The following GINS1 variants were observed in gnomAD, a reference collection of about 807,000 sequenced individuals.
GINS1 encodes the protein DNA replication complex GINS protein PSF1.
GINS1 carries 26 observed loss-of-function variants against 34.9 expected under a neutral mutation model. The ratio of observed to expected loss-of-function variants is 0.74; its 90% CI spans 0.55 to 1.03. The LOEUF (loss-of-function observed/expected upper bound fraction) is 1.03. Ranked by LOEUF, GINS1 falls within the 50% of genes least tolerant of loss-of-function variation. The pLI, the probability that GINS1 is intolerant of heterozygous loss-of-function variation, is 0.00. For missense variants in GINS1, 235 were observed against 237.9 expected, an observed-to-expected ratio of 0.99 and a Z score of 0.08; for synonymous variants, 97 against 84.4, an observed-to-expected ratio of 1.15 and a Z score of -0.82.
intron 2 of GINS1, among the ~76,000 whole-genome samples, chr20:25,414,392 A>G (rs1199483469): frequency 2.0e-5 from 3 of 152,118 alleles, no homozygotes; most frequent in Non-Finnish European, 4.4e-5. Context: ...AGTGGACCTA[A>G]AATAAATGAC....
intron 2 of GINS1, among the ~76,000 whole-genome samples, chr20:25,414,112 C>T (rs1251862131): frequency 6.7e-6 from 1 of 148,188 alleles, no homozygotes; most frequent in East Asian, 2.0e-4. Context: ...ACTGTTTGTA[C>T]CCGGGAGGTG....
At chr20:25,442,637 T>C (rs1293485658) in intron 6 of GINS1, among the ~76,000 whole-genome samples, 3 of 150,402 alleles carry the variant, frequency 2.0e-5, no homozygotes, top group Non-Finnish European at 4.4e-5. Flanking sequence ...AGACGGAGTC[T>C]TGCTCTGTTC....
At position 25,413,514 on chromosome 20, in the gene GINS1, A is replaced by G. The variant is rs191894328; in HGVS notation, c.76-276A>G. The G allele has an allele frequency of 2.3e-3, 879 of 377,812 alleles. 2 individuals carry two copies. Among genetic ancestry groups the G allele is most frequent in the Non-Finnish European group, 3.7e-3 (779 of 210,146 alleles). The allele number at this position is 377,812 out of a possible 1,614,324, so 23.4% of individuals were successfully genotyped here. A position where few individuals can be genotyped will look rare whatever the true frequency, so the allele number is the denominator to read the frequency against. Reference sequence around the variant, plus strand: ...TATATATACACCTAGGAGTAAAATTACTGAGTCATATGGTAATTCTGTGTG... The same window carrying G: ...TATATATACACCTAGGAGTAAAATTGCTGAGTCATATGGTAATTCTGTGTG... On this transcript the variant is annotated intron_variant, in intron 1 of 6. Transcript: ENST00000262460.
At chr20:25,436,115 G>A (rs1268615277) in intron 5 of GINS1, among the ~76,000 whole-genome samples, 4 of 151,666 alleles carry the variant, frequency 2.6e-5, no homozygotes, top group African/African-American at 7.3e-5. Context: ...CACTGTGCCC[G>A]GCCGAATTAA....
intron 5 of GINS1, among the ~76,000 whole-genome samples, chr20:25,427,826 T>C (rs2090400448): frequency 6.6e-6 from 1 of 151,680 alleles, no homozygotes; most frequent in Non-Finnish European, 1.5e-5. Context: ...CTTCCTTCAG[T>C]ATCATGTTGA....
At chr20:25,408,611 A>AC (rs2090262979) in intron 1 of GINS1, among the ~76,000 whole-genome samples, 2 of 152,104 alleles carry the variant, frequency 1.3e-5, no homozygotes, top group Admixed American at 6.5e-5. Flanking sequence ...TAATCCCAGC[A>AC]CTTTGGGAGG....
At chr20:25,422,669 G>A (rs1045883772) in intron 4 of GINS1, among the ~76,000 whole-genome samples, 29 of 152,192 alleles carry the variant, frequency 1.9e-4, no homozygotes, top group African/African-American at 5.8e-4. Flanking sequence ...CCCATTTTTT[G>A]AACTTTATAT....
intron 6 of GINS1, among the ~76,000 whole-genome samples, chr20:25,442,370 G>GTCTGTCTA (rs1555834220): frequency 5.5e-4 from 72 of 131,310 alleles, no homozygotes; most frequent in African/African-American, 1.8e-3. Context: ...CTGTCTGTCT[G>GTCTGTCTA]TCTATCTATC....
Position 25,446,403 on chromosome 20 carries a change from T to TTTTTTTTTTTTTGAGACGG in GINS1, c.*412_*413insTTTTTTTTTTTTGAGACGG, listed in dbSNP as rs2090512850. 1.3e-5 allele frequency: 2 copies of TTTTTTTTTTTTTGAGACGG among 157,240 alleles called. No individual in the cohort carries two copies. Among genetic ancestry groups the TTTTTTTTTTTTTGAGACGG allele is most frequent in the African/African-American group, 4.8e-5 (2 of 41,610 alleles). 9.7% of individuals were successfully genotyped at this position (157,240 alleles called of 1,614,324 possible). On this transcript the variant is annotated 3_prime_UTR_variant, in exon 7 of 7. Coordinates refer to ENST00000262460, the MANE Select transcript of GINS1 (RefSeq NM_021067.5). ...CCTACAGTTGTTACAGTGTGTTTTT[T>TTTTTTTTTTTTTGAGACGG]AAATGAAAGTAAACATGGTTACATT...
In GINS1 at chr20:25,407,690, G is replaced by A; in HGVS notation, c.-131G>A. 1.4e-6 allele frequency: 1 copy of A among 734,448 alleles called. No homozygotes were observed. The highest frequency in any genetic ancestry group is 1.7e-5 in the South Asian group (1 of 58,522). The allele number at this position is 734,448 out of a possible 1,614,324, so 45.5% of individuals were successfully genotyped here. ...CTAGCTTTGTTCGGCGCCAAAGCGC[G>A]GAGCGGAGGCCGAGGCGAGAGCCTG... On this transcript the variant is annotated 5_prime_UTR_variant, in exon 1 of 7. Transcript: ENST00000262460.
At chr20:25,442,303 G>T (rs1393846929) in intron 6 of GINS1, among the ~76,000 whole-genome samples, 1 of 151,990 alleles carries the variant, frequency 6.6e-6, no homozygotes, top group Non-Finnish European at 1.5e-5. Flanking sequence ...AGCTAAATTT[G>T]TCCTTATAAG....
chr20:25,434,653 C>G (rs2090444648), intron 5 of GINS1, among the ~76,000 whole-genome samples: 1 of 152,102 alleles, frequency 6.6e-6, no homozygotes, highest in Non-Finnish European at 1.5e-5. Flanking sequence ...TGCTATGTTG[C>G]CAAGGGTAGT....
chr20:25,425,231 TA>T lies in GINS1; in HGVS notation c.355del (p.Arg119AspfsTer7). 1 of 1,504,606 alleles carries T rather than the reference TA, an allele frequency of 6.6e-7. No homozygotes were observed. Among genetic ancestry groups the T allele is most frequent in the Non-Finnish European group, 9.3e-7 (1 of 1,080,918 alleles). The allele number at this position is 1,504,606 out of a possible 1,614,324, so 93.2% of individuals were successfully genotyped here. A position where few individuals can be genotyped will look rare whatever the true frequency, so the allele number is the denominator to read the frequency against. On this transcript the variant is annotated frameshift_variant, in exon 5 of 7. Coordinates refer to ENST00000262460, the MANE Select transcript of GINS1 (RefSeq NM_021067.5). LOFTEE classifies it high-confidence loss of function. Reference sequence around the variant, plus strand: ...TGCAGATGGAGTGGTTTAATAATTATAAAAGATCTCTTGCTACTTATATGAG... The same window carrying T: ...TGCAGATGGAGTGGTTTAATAATTATAAAGATCTCTTGCTACTTATATGAG... The part of the protein sequence containing the change: ...AEEMEWFNNY[K>X]RSLATYMRSL...
In GINS1 at chr20:25,407,857, C is replaced by G; in HGVS notation, c.37C>G (p.Leu13Val). ...CEKAMELIRE[L>V]HRAPEGQLPA... ...AAAAGCCATGGAACTGATCCGCGAGCTGCATCGCGCGCCCGAAGGGCAACT... is the reference window on the plus strand; with the variant it reads ...AAAAGCCATGGAACTGATCCGCGAGGTGCATCGCGCGCCCGAAGGGCAACT... Residue 13 changes from leucine (L) to valine (V), a missense_variant, in exon 1 of 7, where the codon CTG (leucine) becomes GTG (valine). Coordinates refer to ENST00000262460, the MANE Select transcript of GINS1 (RefSeq NM_021067.5). 1 of 1,613,932 alleles carries G rather than the reference C, an allele frequency of 6.2e-7. No individual in the cohort carries two copies. Among genetic ancestry groups the G allele is most frequent in the South Asian group, 1.1e-5 (1 of 91,082 alleles).
intron 6 of GINS1, among the ~76,000 whole-genome samples, 171 bp from the exon 7 acceptor site, chr20:25,445,752 G>A (rs1206671377): frequency 6.6e-6 from 1 of 152,078 alleles, no homozygotes; most frequent in African/African-American, 2.4e-5. Flanking sequence ...TAAAGTGCTG[G>A]GATTTCAGGC....
At chr20:25,410,295 C>G (rs944500161) in intron 1 of GINS1, among the ~76,000 whole-genome samples, 2 of 151,144 alleles carry the variant, frequency 1.3e-5, no homozygotes, top group Non-Finnish European at 2.9e-5. Context: ...GAGCCAAGAT[C>G]GGGTCACTGC....
intron 5 of GINS1, among the ~76,000 whole-genome samples, chr20:25,441,257 T>C (rs1018849299): frequency 2.6e-5 from 4 of 152,184 alleles, no homozygotes; most frequent in African/African-American, 9.7e-5. Context: ...ATTATCTGAA[T>C]TTTGAATGGG....
At chr20:25,424,090 G>A (rs747791417) in intron 4 of GINS1, among the ~76,000 whole-genome samples, 29 of 152,158 alleles carry the variant, frequency 1.9e-4, no homozygotes, top group Non-Finnish European at 3.5e-4. Flanking sequence ...TGTGCATGGT[G>A]CCACCTTTGT....
chr20:25,426,433 TAATCC>T (rs1468553420), intron 5 of GINS1, among the ~76,000 whole-genome samples: 1 of 151,984 alleles, frequency 6.6e-6, no homozygotes, highest in Non-Finnish European at 1.5e-5. Context: ...CACATGCCTG[TAATCC>T]CAGCTACTTG....
Sources: gnomAD v4.1 joint callset for allele counts (sites outside exome capture counted in the v4.1 genomes callset) on GRCh38, gnomAD v4.1.1 for gene constraint, MANE v1.5 for transcripts, NCBI Gene and HGNC (gene_info 2026-07-23, HGNC 2026-07-21) for gene names.